Variants in TMTC2 observed in about 807,000 individuals in gnomAD.
TMTC2 encodes the protein transmembrane O-mannosyltransferase targeting cadherins 2.
In TMTC2, 43 loss-of-function variants were observed where a neutral mutation model predicts 82.4. The observed-to-expected ratio is 0.52, with a 90% confidence interval of 0.41 to 0.67. TMTC2 has a LOEUF of 0.67. Ranked by LOEUF, TMTC2 falls within the 30% of genes least tolerant of loss-of-function variation. The probability of loss-of-function intolerance (pLI) is 0.00; values close to 1 mark genes in which losing one functional copy is unlikely to be tolerated. For synonymous variants in TMTC2, 408 were observed against 381.9 expected (o/e 1.07, Z -0.80); for missense variants, 919 against 1,012.4 (o/e 0.91, Z 1.25).
At chr12:82,738,445 T>C (rs1875227797) in intron 1 of TMTC2, among the ~76,000 whole-genome samples, 1 of 152,186 alleles carries the variant, frequency 6.6e-6, no homozygotes, top group Admixed American at 6.5e-5. Flanking sequence ...ACTTACTGAG[T>C]GACAGGGATA....
At chr12:83,041,673 T>C (rs1881900917) in intron 9 of TMTC2, among the ~76,000 whole-genome samples, 2 of 152,074 alleles carry the variant, frequency 1.3e-5, no homozygotes, top group African/African-American at 4.8e-5. Context: ...AGAAAGGGGA[T>C]AATTGCAGGA....
At chr12:83,106,772 T>A (rs1473123215) in intron 11 of TMTC2, among the ~76,000 whole-genome samples, 1 of 152,198 alleles carries the variant, frequency 6.6e-6, no homozygotes, top group Non-Finnish European at 1.5e-5. Flanking sequence ...ATATCTGTAA[T>A]ACTCTCTTAT....
intron 11 of TMTC2, among the ~76,000 whole-genome samples, chr12:83,075,200 A>T (rs965863666): frequency 1.3e-5 from 2 of 152,138 alleles, no homozygotes; most frequent in South Asian, 2.1e-4. Context: ...CTACTTCCAC[A>T]GTTGGGGCAC....
intron 1 of TMTC2, among the ~76,000 whole-genome samples, chr12:82,721,321 T>C (rs1444741037): frequency 1.3e-5 from 2 of 152,322 alleles, no homozygotes; most frequent in East Asian, 3.9e-4. Context: ...ATTTTTGCAG[T>C]TTTCCTATGG....
At chr12:82,772,550 A>G (rs985437092) in intron 1 of TMTC2, among the ~76,000 whole-genome samples, 46 of 152,326 alleles carry the variant, frequency 3.0e-4, no homozygotes, top group African/African-American at 1.1e-3. Flanking sequence ...CATTTCCATC[A>G]TTGCAGAAAG....
chr12:82,744,952 G>A (rs911599605), intron 1 of TMTC2, among the ~76,000 whole-genome samples: 2 of 152,144 alleles, frequency 1.3e-5, no homozygotes, highest in Admixed American at 1.3e-4. Flanking sequence ...GAAGTTTATA[G>A]TTTTATTTGG....
chr12:82,875,368 ATG>A (rs996466262), intron 2 of TMTC2, among the ~76,000 whole-genome samples: 1 of 147,474 alleles, frequency 6.8e-6, no homozygotes, highest in African/African-American at 2.7e-5. Context: ...TAAATCATAT[ATG>A]TGTGTATATA....
intron 1 of TMTC2, among the ~76,000 whole-genome samples, chr12:82,713,449 A>G (rs1342537113): frequency 6.6e-6 from 1 of 152,218 alleles, no homozygotes; most frequent in Non-Finnish European, 1.5e-5. Flanking sequence ...AATTTACAAA[A>G]GAAAGAGTTT....
chr12:82,778,976 G>C (rs573726357), intron 1 of TMTC2, among the ~76,000 whole-genome samples: 2 of 149,424 alleles, frequency 1.3e-5, no homozygotes, highest in Admixed American at 6.7e-5. Flanking sequence ...GGTGGAGGTT[G>C]CAGTGAGCCA....
At chr12:83,079,519 G>T (rs1234188991) in intron 11 of TMTC2, among the ~76,000 whole-genome samples, 3 of 151,926 alleles carry the variant, frequency 2.0e-5, no homozygotes, top group Non-Finnish European at 4.4e-5. Flanking sequence ...TTGTATTTTT[G>T]TTATAATAGA....
At chr12:82,764,381 AC>A (rs1463665544) in intron 1 of TMTC2, among the ~76,000 whole-genome samples, 1 of 151,858 alleles carries the variant, frequency 6.6e-6, no homozygotes, top group Non-Finnish European at 1.5e-5. Flanking sequence ...CAGGTAATCC[AC>A]CTGCTTTGGC....
At chr12:82,759,349 A>G in intron 1 of TMTC2, 1 of 152,236 alleles carries the variant, frequency 6.6e-6, no homozygotes, top group East Asian at 1.9e-4. Flanking sequence ...AGCTGTCATA[A>G]GAATTTAAAG....
chr12:83,076,787 A>T (rs928906132), intron 11 of TMTC2, among the ~76,000 whole-genome samples: 14 of 152,110 alleles, frequency 9.2e-5, no homozygotes, highest in African/African-American at 3.4e-4. Flanking sequence ...CCTGCTTCTA[A>T]TTCTCCCTGT....
At chr12:82,858,080 T>C (rs1346420100) in intron 2 of TMTC2, among the ~76,000 whole-genome samples, 5 of 152,180 alleles carry the variant, frequency 3.3e-5, no homozygotes, top group African/African-American at 1.2e-4. Context: ...TGAATCATAC[T>C]CACCTTTTTC....
intron 8 of TMTC2, among the ~76,000 whole-genome samples, chr12:83,013,008 C>T (rs1880528809): frequency 6.6e-6 from 1 of 152,046 alleles, no homozygotes; most frequent in African/African-American, 2.4e-5. Context: ...TGAATTTACA[C>T]TGAAAAAGAT....
intron 1 of TMTC2, among the ~76,000 whole-genome samples, chr12:82,724,079 C>A (rs1369914920): frequency 6.6e-6 from 1 of 152,088 alleles, no homozygotes; most frequent in Non-Finnish European, 1.5e-5. Flanking sequence ...TGCAAGATGC[C>A]CTGGGGAAAG....
intron 1 of TMTC2, among the ~76,000 whole-genome samples, chr12:82,823,715 C>T (rs765645786): frequency 6.6e-6 from 1 of 151,924 alleles, no homozygotes; most frequent in Non-Finnish European, 1.5e-5. Flanking sequence ...ACAGAAAAAC[C>T]CCAGGTAACC....
At chr12:82,863,754 C>A (rs1292111582) in intron 2 of TMTC2, among the ~76,000 whole-genome samples, 1 of 152,136 alleles carries the variant, frequency 6.6e-6, no homozygotes, top group Non-Finnish European at 1.5e-5. Flanking sequence ...TAAAAAAATT[C>A]ATCTTTGTGC....
chr12:82,796,192 C>T (rs533318437), intron 1 of TMTC2, among the ~76,000 whole-genome samples: 35 of 152,102 alleles, frequency 2.3e-4, no homozygotes, highest in African/African-American at 8.4e-4. Context: ...TATTTGTAGC[C>T]GGGACGACCT....
Sources: allele counts gnomAD v4.1 joint callset (sites outside exome capture counted in the v4.1 genomes callset), GRCh38; gene constraint gnomAD v4.1.1; transcripts MANE v1.5; gene names NCBI Gene and HGNC (gene_info 2026-07-23, HGNC 2026-07-21).